Variants in MAPK6 observed in about 807,000 individuals in gnomAD.
MAPK6 encodes mitogen-activated protein kinase 6.
MAPK6 carries 19 observed loss-of-function variants against 59.3 expected under a neutral mutation model. The observed-to-expected ratio is 0.32, with a 90% CI of 0.22 to 0.47. MAPK6 has a LOEUF of 0.47. Ranked by LOEUF, MAPK6 falls within the 20% of genes least tolerant of loss-of-function variation. The pLI, the probability that MAPK6 is intolerant of heterozygous loss-of-function variation, is 1.00. For missense variants in MAPK6, 724 were observed against 847.9 expected, an observed-to-expected ratio of 0.85 and a Z score of 1.81; for synonymous variants, 316 against 290.3, an observed-to-expected ratio of 1.09 and a Z score of -0.90.
rs920829167 is a variant in MAPK6, at chr15:52,066,548, A to G, written c.*1548A>G. 1 of 152,230 alleles carries G rather than the reference A, an allele frequency of 6.6e-6. No individual in the cohort carries two copies. The highest frequency in any genetic ancestry group is 1.5e-5 in the Non-Finnish European group (1 of 68,050). The allele number at this position is 152,230 out of a possible 1,614,324, so 9.4% of individuals were successfully genotyped here. On this transcript the variant is annotated 3_prime_UTR_variant, in exon 6 of 6. Coordinates refer to ENST00000261845, the MANE Select transcript of MAPK6 (RefSeq NM_002748.4). The stretch of plus-strand genomic sequence containing the variant: ...AACTTACCCTTTTACCTATCCAGCT[A>G]CAAAACCATCCTCTTCACCTCACTT...
chr15:51,993,047 A>G (rs757942210), intron 2 of MAPK6, among the ~76,000 whole-genome samples: 1 of 152,042 alleles, frequency 6.6e-6, no homozygotes, highest in Non-Finnish European at 1.5e-5. Context: ...CTGGAGGTCT[A>G]TGGTTGGTGG....
intron 2 of MAPK6, among the ~76,000 whole-genome samples, chr15:51,986,642 C>T (rs905782994): frequency 2.0e-5 from 3 of 152,202 alleles, no homozygotes; most frequent in Non-Finnish European, 2.9e-5. Flanking sequence ...CTTCCCTTTT[C>T]AGCCACTAGT....
At chr15:51,998,841 C>T (rs1273768125) in intron 2 of MAPK6, among the ~76,000 whole-genome samples, 7 of 150,408 alleles carry the variant, frequency 4.7e-5, no homozygotes, top group Non-Finnish European at 1.0e-4. Context: ...CAGGCACCTG[C>T]CACCACGCCT....
chr15:52,032,918 C>G (rs1595986034), intron 1 of MAPK6, among the ~76,000 whole-genome samples: 2 of 151,948 alleles, frequency 1.3e-5, no homozygotes, highest in Admixed American at 1.3e-4. Context: ...CTCCTGACTT[C>G]AGGTGATCTG....
At chr15:51,980,872 A>G (rs905589336) in intron 1 of MAPK6, among the ~76,000 whole-genome samples, 2 of 151,478 alleles carry the variant, frequency 1.3e-5, no homozygotes. Context: ...GATTACAGGC[A>G]TGAGCCACCG....
chr15:52,030,960 T>A (rs2031007623), intron 1 of MAPK6, among the ~76,000 whole-genome samples: 1 of 151,590 alleles, frequency 6.6e-6, no homozygotes, highest in Non-Finnish European at 1.5e-5. Flanking sequence ...CCTGGCTCAT[T>A]TTTTTGTATT....
chr15:52,061,345 G>T lies in MAPK6; in HGVS notation c.912G>T (p.Arg304=). The T allele has an allele frequency of 1.9e-6, 3 of 1,614,072 alleles. No homozygotes were observed. Among genetic ancestry groups the T allele is most frequent in the Non-Finnish European group, 2.5e-6 (3 of 1,179,990 alleles). ...TTTTGACATTTAGCCCCATGGATCG[G>T]TTAACAGCAGAAGAAGCACTCTCCC... ...EQILTFSPMD[R]LTAEEALSHP... Residue 304 remains arginine (R), a synonymous_variant, in exon 5 of 6, where the codon CGG becomes CGT. Transcript: ENST00000261845.
chr15:51,991,790 C>A (rs1353163387), intron 2 of MAPK6, among the ~76,000 whole-genome samples: 2 of 152,086 alleles, frequency 1.3e-5, no homozygotes, highest in African/African-American at 4.8e-5. Flanking sequence ...GAGGATGGGC[C>A]AGGTAGAAGA....
In MAPK6 at chr15:51,976,205, G is replaced by T. The variant is rs573150545; in HGVS notation, c.-880+4299G>T. Among the ~76,000 whole-genome samples the T allele has an allele frequency of 4.0e-5, 6 of 149,268 alleles. No individual in the cohort carries two copies. In the East Asian group the frequency reaches 1.2e-3, roughly 29 times the overall value. On this transcript the variant is annotated intron_variant, in intron 1 of 7. Transcript: ENST00000691380. ...CGCTTGAACCCGGGAGGCAGAGGTT[G>T]CAGTGAGCTGAGATCGTGCCACTGC...
chr15:51,987,727 T>C (rs1034055169), intron 2 of MAPK6, among the ~76,000 whole-genome samples: 1 of 151,836 alleles, frequency 6.6e-6, no homozygotes. Flanking sequence ...CTTTGGCACT[T>C]ACTCGTAGAT....
At chr15:51,985,731 G>A (rs1160028486) in intron 2 of MAPK6, among the ~76,000 whole-genome samples, 1 of 152,070 alleles carries the variant, frequency 6.6e-6, no homozygotes, top group Non-Finnish European at 1.5e-5. Flanking sequence ...GGCCGAGGCG[G>A]GCAGATCACA....
In MAPK6 at chr15:51,995,549, C is replaced by T. The variant is rs114266757; in HGVS notation, c.-769-8716C>T. On this transcript the variant is annotated intron_variant, in intron 2 of 7. Coordinates refer to the MAPK6 transcript ENST00000691380. ...CAAGATTTATGATAGGCCTCTCTCC[C>T]TGGGGAAACTTTGAAAAGGAAGACT... Among the ~76,000 whole-genome samples the T allele has an allele frequency of 8.9e-3, 1,357 of 152,262 alleles. 28 individuals are homozygous for T. Among genetic ancestry groups the T allele is most frequent in the African/African-American group, 0.031 (1,300 of 41,538 alleles).
At chr15:51,988,870 C>T (rs1172117059) in intron 2 of MAPK6, among the ~76,000 whole-genome samples, 1 of 152,132 alleles carries the variant, frequency 6.6e-6, no homozygotes, top group African/African-American at 2.4e-5. Flanking sequence ...CCTCCAGAGG[C>T]TCTGGAATAA....
intron 1 of MAPK6, among the ~76,000 whole-genome samples, chr15:51,978,465 T>C (rs1440861445): frequency 6.6e-6 from 1 of 151,862 alleles, no homozygotes; most frequent in Admixed American, 6.6e-5. Flanking sequence ...CTAAACTCTA[T>C]TACCACACCC....
chr15:52,018,877 G>C (rs913362850), upstream of MAPK6: 2 of 152,548 alleles, frequency 1.3e-5, no homozygotes, highest in Non-Finnish European at 2.9e-5. Flanking sequence ...ACCCTTCCTG[G>C]AGACTGAGGC....
chr15:51,976,908 T>A (rs1249447697), intron 1 of MAPK6, among the ~76,000 whole-genome samples: 1 of 151,352 alleles, frequency 6.6e-6, no homozygotes, highest in Admixed American at 6.6e-5. Context: ...AAGCCACTGC[T>A]CTCCAGCCTG....
chr15:52,016,070 G>GCGCGCGCACGCACACACACA, upstream of MAPK6, among the ~76,000 whole-genome samples: 1 of 55,392 alleles, frequency 1.8e-5, no homozygotes, highest in Non-Finnish European at 3.4e-5. Context: ...GCGCGCGCGC[G>GCGCGCGCACGCACACACACA]CACACACACA....
chr15:52,043,520 C>T (rs1032767834), intron 1 of MAPK6, among the ~76,000 whole-genome samples: 2 of 151,748 alleles, frequency 1.3e-5, no homozygotes, highest in African/African-American at 4.8e-5. Flanking sequence ...TGATCTCGAA[C>T]TCACGACCTG....
chr15:52,035,204 T>C (rs535325761), intron 1 of MAPK6, among the ~76,000 whole-genome samples: 5 of 152,370 alleles, frequency 3.3e-5, no homozygotes, highest in African/African-American at 1.2e-4. Flanking sequence ...ACTCAGAATG[T>C]CTCAGAGGTG....
Sources: gnomAD v4.1 joint callset for allele counts (sites outside exome capture counted in the v4.1 genomes callset) on GRCh38, gnomAD v4.1.1 for gene constraint, MANE v1.5 for transcripts, NCBI Gene and HGNC (gene_info 2026-07-23, HGNC 2026-07-21) for gene names.